Variants in KAZN observed in about 807,000 individuals in gnomAD.
KAZN encodes kazrin.
KAZN carries 40 observed loss-of-function variants against 87.4 expected under a neutral mutation model. That is an observed-to-expected ratio of 0.46 (90% CI 0.36 to 0.60). KAZN has a LOEUF of 0.60. Among genes scored for constraint, KAZN ranks in the 20% least tolerant of loss-of-function variants. The pLI is 0.00. For synonymous variants in KAZN, 466 were observed against 458.3 expected (o/e 1.02, Z -0.22); for missense variants, 898 against 1,073.9 (o/e 0.84, Z 2.29).
At chr1:14,515,292 G>T (rs1335170908) in intron 2 of KAZN, among the ~76,000 whole-genome samples, 1 of 152,166 alleles carries the variant, frequency 6.6e-6, no homozygotes, top group African/African-American at 2.4e-5. Flanking sequence ...TAAGCAACTT[G>T]TCCAATGTTC....
chr1:14,388,986 TCAAA>T (rs775347265), intron 2 of KAZN, among the ~76,000 whole-genome samples: 4 of 151,942 alleles, frequency 2.6e-5, no homozygotes, highest in East Asian at 3.9e-4. Context: ...TATAAGGCAC[TCAAA>T]CAACTCTACA....
chr1:14,221,607 A>G (rs1647099749), intron 2 of KAZN, among the ~76,000 whole-genome samples: 1 of 152,132 alleles, frequency 6.6e-6, no homozygotes, highest in Admixed American at 6.5e-5. Flanking sequence ...GCTTATTATA[A>G]TCCTGTTACG....
chr1:14,724,422 A>T (rs893429409), intron 1 of KAZN, among the ~76,000 whole-genome samples: 1 of 152,114 alleles, frequency 6.6e-6, no homozygotes, highest in African/African-American at 2.4e-5. Flanking sequence ...GCTTTCTCTA[A>T]ACCACCTTTT....
exon 1 of KAZN, chr1:13,893,363 A>T: frequency 3.9e-6 from 1 of 257,740 alleles, no homozygotes; most frequent in Non-Finnish European, 7.3e-6. Flanking sequence ...TTCCGGGTCA[A>T]GAAGCCACGA....
intron 1 of KAZN, among the ~76,000 whole-genome samples, chr1:14,096,494 A>C (rs922723106): frequency 7.9e-5 from 12 of 152,214 alleles, no homozygotes; most frequent in African/African-American, 2.7e-4. Context: ...GAACCTGCTT[A>C]AGTTTCTTGG....
chr1:14,452,970 G>GT (rs1257969429), intron 2 of KAZN, among the ~76,000 whole-genome samples: 4 of 151,946 alleles, frequency 2.6e-5, no homozygotes, highest in African/African-American at 9.7e-5. Flanking sequence ...TGTTGTTGTT[G>GT]TTTGAGATGG....
chr1:14,664,043 A>G (rs1040596095), intron 1 of KAZN, among the ~76,000 whole-genome samples: 2 of 152,260 alleles, frequency 1.3e-5, no homozygotes, highest in African/African-American at 4.8e-5. Context: ...CCTTAGGGAT[A>G]GTATGCTAAG....
intron 1 of KAZN, among the ~76,000 whole-genome samples, chr1:14,766,700 G>A (rs1644893773): frequency 6.7e-6 from 1 of 149,428 alleles, no homozygotes. Flanking sequence ...AGTGGCATCG[G>A]CAAGTGCCAA....
At chr1:14,109,643 T>A (rs1644454145) in intron 1 of KAZN, among the ~76,000 whole-genome samples, 1 of 152,244 alleles carries the variant, frequency 6.6e-6, no homozygotes, top group African/African-American at 2.4e-5. Flanking sequence ...CTTTCATTTC[T>A]TTTTGGAACA....
intron 1 of KAZN, among the ~76,000 whole-genome samples, chr1:14,646,265 G>T (rs1010061490): frequency 3.9e-5 from 6 of 152,126 alleles, no homozygotes; most frequent in Non-Finnish European, 5.9e-5. Context: ...CTGTTCCTAG[G>T]CTGGGTATCG....
At chr1:15,109,888 CTT>C (rs1280643176) in intron 13 of KAZN, among the ~76,000 whole-genome samples, 1 of 134,598 alleles carries the variant, frequency 7.4e-6, no homozygotes, top group Non-Finnish European at 1.6e-5. Flanking sequence ...CATGTGTGTG[CTT>C]GTGTGTATAT....
At chr1:14,244,465 G>A (rs1331042922) in intron 2 of KAZN, among the ~76,000 whole-genome samples, 1 of 152,186 alleles carries the variant, frequency 6.6e-6, no homozygotes, top group Non-Finnish European at 1.5e-5. Flanking sequence ...TTTGAGTGAT[G>A]TTTTCCAAGC....
At chr1:14,951,026 G>A (rs1662414293) in intron 1 of KAZN, among the ~76,000 whole-genome samples, 1 of 152,146 alleles carries the variant, frequency 6.6e-6, no homozygotes, top group Non-Finnish European at 1.5e-5. Flanking sequence ...GTAAAATGGG[G>A]ACATCCCCTA....
At chr1:14,354,431 T>C (rs1420182788) in intron 2 of KAZN, among the ~76,000 whole-genome samples, 1 of 152,130 alleles carries the variant, frequency 6.6e-6, no homozygotes, top group East Asian at 1.9e-4. Context: ...AGAATTTGTA[T>C]TCAGAATATG....
At chr1:14,001,190 C>T (rs1305484166) in intron 1 of KAZN, among the ~76,000 whole-genome samples, 1 of 152,122 alleles carries the variant, frequency 6.6e-6, no homozygotes, top group South Asian at 2.1e-4. Flanking sequence ...GCAAAAATCA[C>T]AAGCATTCCT....
At chr1:14,114,037 C>T (rs766306064) in intron 1 of KAZN, among the ~76,000 whole-genome samples, 1 of 152,194 alleles carries the variant, frequency 6.6e-6, no homozygotes, top group East Asian at 1.9e-4. Flanking sequence ...GGGCACTCTT[C>T]TCTCACAGCT....
At chr1:14,147,984 C>G (rs1272840961) in intron 1 of KAZN, among the ~76,000 whole-genome samples, 1 of 152,056 alleles carries the variant, frequency 6.6e-6, no homozygotes, top group Non-Finnish European at 1.5e-5. Flanking sequence ...CTTTAGGAGG[C>G]CGAGGTGGGA....
At chr1:13,921,986 C>T (rs1198499568) in intron 1 of KAZN, among the ~76,000 whole-genome samples, 2 of 152,100 alleles carry the variant, frequency 1.3e-5, no homozygotes, top group East Asian at 3.9e-4. Context: ...CATTGGAGAG[C>T]AGGGATTGGG....
chr1:14,878,533 T>C lies in KAZN; in HGVS notation c.227-82151T>C, dbSNP rs150408000. ...TTCTGGGCCTCAGTTTCCCCATCTGTCAAATGAATGGCTTAGCCCAGAAGA... is the reference window on the plus strand; with the variant it reads ...TTCTGGGCCTCAGTTTCCCCATCTGCCAAATGAATGGCTTAGCCCAGAAGA... On this transcript the variant is annotated intron_variant, in intron 1 of 14. Transcript: ENST00000376030. Among the ~76,000 whole-genome samples, 131 of 152,288 alleles carry C rather than the reference T, an allele frequency of 8.6e-4. 2 individuals are homozygous for C. In the East Asian group the frequency reaches 0.021, roughly 24 times the overall value.
Sources: allele counts gnomAD v4.1 joint callset (sites outside exome capture counted in the v4.1 genomes callset), GRCh38; gene constraint gnomAD v4.1.1; transcripts MANE v1.5; gene names NCBI Gene and HGNC (gene_info 2026-07-23, HGNC 2026-07-21).